ESPNL: variants seen among roughly 807,000 people sequenced by gnomAD.
ESPNL encodes the protein espin like, also known as espin-like protein.
Under a neutral mutation model 46.8 loss-of-function variants are expected in ESPNL, and 49 were observed. The ratio of observed to expected loss-of-function variants is 1.05; its 90% CI spans 0.83 to 1.33. ESPNL has a LOEUF of 1.33. ESPNL is among the 40% of genes most tolerant of loss of function. The probability of loss-of-function intolerance (pLI) is 0.00; values close to 1 mark genes in which losing one functional copy is unlikely to be tolerated. For synonymous variants in ESPNL, 664 were observed against 662.1 expected (o/e 1.00, Z -0.04); for missense variants, 1,540 against 1,436.6 (o/e 1.07, Z -1.16).
Position 238,104,830 on chromosome 2 carries a change from C to T in ESPNL, c.660C>T (p.Leu220=), listed in dbSNP as rs34483644. The part of the protein sequence containing the change: ...HAAAARGHYS[L]VVWLVTFTDI... ...CCGCCGCCCGTGGCCACTACTCCCT[C>T]GTCGTCTGGCTGGTAAGTGGGTGCC... The change falls in exon 3 of 9, where the codon CTC becomes CTT. Residue 220 remains leucine, a synonymous_variant. Coordinates refer to ENST00000343063, the MANE Select transcript of ESPNL (RefSeq NM_194312.4). The T allele has an allele frequency of 2.6e-4, 390 of 1,517,504 alleles. 3 individuals are homozygous for T. In the African/African-American group the frequency reaches 4.1e-3, roughly 16 times the overall value. The allele number at this position is 1,517,504 out of a possible 1,614,324, so 94.0% of individuals were successfully genotyped here. A position where few individuals can be genotyped will look rare whatever the true frequency, so the allele number is the denominator to read the frequency against.
intron 5 of ESPNL, among the ~76,000 whole-genome samples, chr2:238,120,094 G>A (rs1033449007): frequency 2.0e-5 from 3 of 151,870 alleles, no homozygotes; most frequent in Admixed American, 6.6e-5. Context: ...ACTAAATGGT[G>A]TGCTTGCTAG....
At chr2:238,108,891 C>T (rs1691658939) in intron 4 of ESPNL, among the ~76,000 whole-genome samples, 1 of 152,248 alleles carries the variant, frequency 6.6e-6, no homozygotes, top group South Asian at 2.1e-4. Flanking sequence ...GCACCGCATT[C>T]CCTGCAGAGC....
rs972785110 is a variant in ESPNL, at chr2:238,120,438, A to C, written c.987+3404A>C. Among the ~76,000 whole-genome samples, 10 of 152,098 alleles carry C rather than the reference A, an allele frequency of 6.6e-5. 1 individual carries two copies. Among genetic ancestry groups the C allele is most frequent in the Admixed American group, 3.9e-4 (6 of 15,286 alleles). On this transcript the variant is annotated intron_variant, in intron 5 of 8. Transcript: ENST00000343063. ...GAGTCCCTGACACTGTTCCCGCCCC[A>C]GCCATTCTGGGGTCCCATGCCTGGG...
At position 238,131,354 on chromosome 2, in the gene ESPNL, G is replaced by A. The variant is rs2106305698; in HGVS notation, c.2640G>A (p.Leu880=). 1 of 1,598,512 alleles carries A rather than the reference G, an allele frequency of 6.3e-7. No individual in the cohort carries two copies. Among genetic ancestry groups the A allele is most frequent in the East Asian group, 2.3e-5 (1 of 44,214 alleles). ...CGGAGGAGCGGAAGCTGCGCCACCT[G>A]CTGTGCTTCGAGGTCTTCGAGCACC... ...LPAEERKLRH[L]LCFEVFEHLG... Residue 880 remains leucine, a synonymous_variant, in exon 9 of 9, where the codon CTG becomes CTA. Coordinates refer to ENST00000343063, the MANE Select transcript of ESPNL (RefSeq NM_194312.4).
chr2:238,119,356 GT>G (rs1691923218), intron 5 of ESPNL, among the ~76,000 whole-genome samples: 3 of 148,644 alleles, frequency 2.0e-5, no homozygotes, highest in Admixed American at 6.7e-5. Flanking sequence ...AATGGAGGAG[GT>G]GGATGAAGGA....
chr2:238,119,279 A>G (rs1691919312), intron 5 of ESPNL, among the ~76,000 whole-genome samples: 1 of 122,842 alleles, frequency 8.1e-6, no homozygotes, highest in African/African-American at 3.1e-5. Flanking sequence ...AAAGAGTTGG[A>G]CGGAGGAGGT....
chr2:238,128,808 G>C lies in ESPNL; in HGVS notation c.1317G>C (p.Arg439=). 1.3e-6 allele frequency: 2 copies of C among 1,554,786 alleles called. No homozygotes were observed. The highest frequency in any genetic ancestry group is 1.7e-6 in the Non-Finnish European group (2 of 1,149,980). Residue 439 remains arginine, a synonymous_variant, in exon 8 of 9, where the codon CGG becomes CGC. Coordinates refer to ENST00000343063, the MANE Select transcript of ESPNL (RefSeq NM_194312.4). ...ACATCGACGGGCTGGTGCCCACGCG[G>C]GATGAGCGCGGCCAGCCCATCCCAG... ...SGDIDGLVPT[R]DERGQPIPEW...
At chr2:238,120,225 C>T (rs770233700) in intron 5 of ESPNL, among the ~76,000 whole-genome samples, 4 of 152,142 alleles carry the variant, frequency 2.6e-5, no homozygotes, top group African/African-American at 9.7e-5. Context: ...CCAGGAGTGC[C>T]GGCTGCCTGG....
chr2:238,131,070 T>G lies in ESPNL; in HGVS notation c.2356T>G (p.Ser786Ala). ...GGCCGCCAGGAGCCCTGGGCCACCC[T>G]CCCCGCCCAGCGAGGGCCCCCGGCT... ...QEAARSPGPP[S>A]PPSEGPRLGH... The change falls in exon 9 of 9, where the codon TCC becomes GCC. Residue 786 changes from serine (S) to alanine (A), a missense_variant. Ser to Ala is a moderately conservative substitution (Grantham distance 99). Coordinates refer to ENST00000343063, the MANE Select transcript of ESPNL (RefSeq NM_194312.4). 1 of 1,540,178 alleles carries G rather than the reference T, an allele frequency of 6.5e-7. No individual in the cohort carries two copies. Among genetic ancestry groups the G allele is most frequent in the Non-Finnish European group, 8.7e-7 (1 of 1,144,696 alleles).
Position 238,131,006 on chromosome 2 carries a change from GACC to G in ESPNL, c.2293_2295del (p.Thr765del), listed in dbSNP as rs1475794440. ...CGGCCCTCAAGACAGTGGCCTGCAG[GACC>G]CTAGGAGCCCGCCACGCGGGGTTGC... On this transcript the variant is annotated inframe_deletion, in exon 9 of 9. Transcript: ENST00000343063. 2 of 1,542,912 alleles carry G rather than the reference GACC, an allele frequency of 1.3e-6. No homozygotes were observed. Among genetic ancestry groups the G allele is most frequent in the Non-Finnish European group, 1.7e-6 (2 of 1,144,924 alleles).
chr2:238,107,782 C>A lies in ESPNL; in HGVS notation c.673-9C>A. On this transcript the variant is annotated splice_polypyrimidine_tract_variant and intron_variant, in intron 3 of 8. Transcript: ENST00000343063. ...AGGATGGCTGCTCCCTCTGCCCCTC[C>A]TTCCCCAGGTCACATTCACCGACAT... 1 of 1,571,208 alleles carries A rather than the reference C, an allele frequency of 6.4e-7. No homozygotes were observed. Among genetic ancestry groups the A allele is most frequent in the Admixed American group, 1.8e-5 (1 of 54,940 alleles).
rs1183937447 is a variant in ESPNL, at chr2:238,130,879, C to T, written c.2165C>T (p.Pro722Leu). ...TCTGGCATCAGCTGCGAGGAGGTGC[C>T]ATCAGAGGCGGGTGCCGCAGCCGGC... ...SDSGISCEEVPSEAGAAAGPD... is the reference protein window; with the variant it reads ...SDSGISCEEVLSEAGAAAGPD... Residue 722 changes from proline (P) to leucine (L), a missense_variant, in exon 9 of 9, where the codon CCA (proline) becomes CTA (leucine). Transcript: ENST00000343063. 1 of 1,557,228 alleles carries T rather than the reference C, an allele frequency of 6.4e-7. No individual in the cohort carries two copies. Among genetic ancestry groups the T allele is most frequent in the Non-Finnish European group, 8.7e-7 (1 of 1,151,590 alleles).
Position 238,114,877 on chromosome 2 carries a change from G to C in ESPNL, c.856-2026G>C, listed in dbSNP as rs535687661. Among the ~76,000 whole-genome samples, 7 of 152,278 alleles carry C rather than the reference G, an allele frequency of 4.6e-5. No individual in the cohort carries two copies. In the South Asian group the frequency reaches 1.4e-3, roughly 32 times the overall value. On this transcript the variant is annotated intron_variant, in intron 4 of 8. Transcript: ENST00000343063. This position sits in a 1 kb window ranked among gnomAD's most constrained non-coding sequence, Gnocchi z 5.0. Reference sequence around the variant, plus strand: ...GCACCACGACCAGGGTTGCATATTTGTGCCAGAGCCGGCGGCCCCCGGGCT... The same window carrying C: ...GCACCACGACCAGGGTTGCATATTTCTGCCAGAGCCGGCGGCCCCCGGGCT...
At chr2:238,113,964 G>A (rs775878831) in intron 4 of ESPNL, among the ~76,000 whole-genome samples, 2 of 152,142 alleles carry the variant, frequency 1.3e-5, no homozygotes, top group Non-Finnish European at 2.9e-5. Flanking sequence ...GAGTGTGGCC[G>A]TGTCACTCCT....
Position 238,131,156 on chromosome 2 carries a change from C to T in ESPNL, c.2442C>T (p.Ile814=). ...ITHLLGNWKA[I]MAHVPARQLR... Reference sequence around the variant, plus strand: ...ACCTGCTGGGCAACTGGAAGGCCATCATGGCTCACGTGCCCGCCCGGCAGC... The same window carrying T: ...ACCTGCTGGGCAACTGGAAGGCCATTATGGCTCACGTGCCCGCCCGGCAGC... Residue 814 remains isoleucine (I), a synonymous_variant, in exon 9 of 9, where the codon ATC becomes ATT. Coordinates refer to ENST00000343063, the MANE Select transcript of ESPNL (RefSeq NM_194312.4). 1 of 1,546,416 alleles carries T rather than the reference C, an allele frequency of 6.5e-7. No individual in the cohort carries two copies. The highest frequency in any genetic ancestry group is 8.7e-7 in the Non-Finnish European group (1 of 1,147,136).
In ESPNL at chr2:238,130,553, A is replaced by G. The variant is rs966573433; in HGVS notation, c.1839A>G (p.Leu613=). 5 of 1,588,154 alleles carry G rather than the reference A, an allele frequency of 3.1e-6. No individual in the cohort carries two copies. The Admixed American group carries it at 9.0e-5, about 28-fold the overall frequency. The change falls in exon 9 of 9, where the codon CTA becomes CTG. Residue 613 remains leucine, a synonymous_variant. Transcript: ENST00000343063. The stretch of plus-strand genomic sequence containing the variant: ...TGCTGCTGAAGGGCGTGCATGGGCT[A>G]GTACAGGGGGATGAGAAGCCATCCA... ...LSLLLKGVHG[L]VQGDEKPSTR... is the part of the protein sequence containing the mutation.
At chr2:238,120,163 G>T (rs942541571) in intron 5 of ESPNL, among the ~76,000 whole-genome samples, 1 of 152,200 alleles carries the variant, frequency 6.6e-6, no homozygotes, top group Non-Finnish European at 1.5e-5. Context: ...TGAGAAGGTG[G>T]TGGCGCTCTG....
At chr2:238,123,251 CT>C (rs1213362005) in intron 5 of ESPNL, among the ~76,000 whole-genome samples, 6 of 152,324 alleles carry the variant, frequency 3.9e-5, no homozygotes, top group Middle Eastern at 3.4e-3. Context: ...TGTTCTTGGT[CT>C]TTCCCTAGAG....
chr2:238,119,399 AT>A (rs1559263924), intron 5 of ESPNL, among the ~76,000 whole-genome samples: 1 of 120,592 alleles, frequency 8.3e-6, no homozygotes. Context: ...CAGGAGGTGG[AT>A]GGAGGAGGTG....
Sources: allele counts gnomAD v4.1 joint callset (sites outside exome capture counted in the v4.1 genomes callset), GRCh38; gene constraint gnomAD v4.1.1; non-coding constraint Gnocchi (gnomAD v3.1); transcripts MANE v1.5; gene names NCBI Gene and HGNC (gene_info 2026-07-23, HGNC 2026-07-21).